The following CNIH3 variants were observed in gnomAD, a reference collection of about 807,000 sequenced individuals.
CNIH3 encodes cornichon family AMPA receptor auxiliary protein 3, also known as protein cornichon homolog 3.
In CNIH3, 14 loss-of-function variants were observed where a neutral mutation model predicts 24.1. That is an observed-to-expected ratio of 0.58 (90% CI 0.38 to 0.91). The LOEUF (loss-of-function observed/expected upper bound fraction) is 0.91, where lower values mean the gene tolerates loss of function less well. Among genes scored for constraint, CNIH3 ranks in the 40% least tolerant of loss-of-function variants. CNIH3 has a pLI of 0.00. For synonymous variants in CNIH3, 68 were observed against 73.8 expected (o/e 0.92, Z 0.40); for missense variants, 178 against 196.8 (o/e 0.90, Z 0.57).
At chr1:224,597,105 C>T (rs6657458) in intron 3 of CNIH3, among the ~76,000 whole-genome samples, 4,434 of 152,014 alleles carry the variant, frequency 0.029, 194 homozygotes, top group African/African-American at 0.093. Context: ...TGAGCCGAGA[C>T]TGCACCATTG....
intron 1 of CNIH3, among the ~76,000 whole-genome samples, chr1:224,446,790 T>A (rs1231183514): frequency 6.6e-6 from 1 of 152,080 alleles, no homozygotes; most frequent in Admixed American, 6.6e-5. Flanking sequence ...AAGAGGGGGA[T>A]TCAAAGAAGT....
intron 1 of CNIH3, among the ~76,000 whole-genome samples, chr1:224,457,957 G>A (rs913194304): frequency 2.0e-5 from 3 of 152,158 alleles, no homozygotes; most frequent in Admixed American, 2.0e-4. Context: ...AGCTAGGTGT[G>A]GGGAGGAAGC....
intron 4 of CNIH3, among the ~76,000 whole-genome samples, chr1:224,570,249 G>A (rs941305704): frequency 6.6e-6 from 1 of 152,170 alleles, no homozygotes; most frequent in Non-Finnish European, 1.5e-5. Flanking sequence ...CTGCAGTTTG[G>A]AGTACAATCG....
chr1:224,655,105 T>TTCACACC (rs1444263941), intron 1 of CNIH3, among the ~76,000 whole-genome samples: 1 of 152,118 alleles, frequency 6.6e-6, no homozygotes, highest in Non-Finnish European at 1.5e-5. Context: ...CCCATGAAGC[T>TTCACACC]GTTACCACCC....
chr1:224,556,016 C>T (rs1680123429), intron 3 of CNIH3, among the ~76,000 whole-genome samples: 1 of 152,200 alleles, frequency 6.6e-6, no homozygotes, highest in South Asian at 2.1e-4. Flanking sequence ...TGAGTGAAGA[C>T]TGCTGAGGAA....
At position 224,629,325 on chromosome 1, in the gene CNIH3, G is replaced by A. The variant is rs957712270; in HGVS notation, c.81+12070G>A. On this transcript the variant is annotated intron_variant, in intron 1 of 5. Transcript: ENST00000272133. ...CCCGGCTGCAATGTATATCTTAAAT[G>A]TATTTGATTGATAACCTCATGTCTC... 3.2e-4 allele frequency among the ~76,000 whole-genome samples: 48 copies of A among 151,976 alleles called. 1 individual carries two copies. Among genetic ancestry groups the A allele is most frequent in the Non-Finnish European group, 1.2e-4 (8 of 68,008 alleles).
intron 1 of CNIH3, among the ~76,000 whole-genome samples, chr1:224,452,800 A>G (rs1197456856): frequency 6.8e-6 from 1 of 146,432 alleles, no homozygotes; most frequent in South Asian, 2.2e-4. Flanking sequence ...AAAAAAAAAA[A>G]AAGGGTTTCA....
At chr1:224,638,871 A>G (rs1185186307) in intron 1 of CNIH3, among the ~76,000 whole-genome samples, 1 of 152,054 alleles carries the variant, frequency 6.6e-6, no homozygotes, top group Non-Finnish European at 1.5e-5. Flanking sequence ...GCCATTATTT[A>G]TTTTATTTGC....
chr1:224,530,449 T>A (rs1263297077), intron 2 of CNIH3, among the ~76,000 whole-genome samples: 1 of 152,174 alleles, frequency 6.6e-6, no homozygotes, highest in East Asian at 1.9e-4. Context: ...ACCACTTTCA[T>A]GCACAGCATT....
At chr1:224,656,249 C>T (rs1333639574) in intron 1 of CNIH3, among the ~76,000 whole-genome samples, 5 of 152,170 alleles carry the variant, frequency 3.3e-5, no homozygotes, top group South Asian at 4.1e-4. Context: ...TTGCATCTGG[C>T]GCACTGGAAG....
At chr1:224,737,322 G>A (rs1163602379) in intron 5 of CNIH3, among the ~76,000 whole-genome samples, 1 of 152,128 alleles carries the variant, frequency 6.6e-6, no homozygotes, top group Non-Finnish European at 1.5e-5. Context: ...TTGACTGTTT[G>A]TCCTCTAATT....
intron 4 of CNIH3, among the ~76,000 whole-genome samples, chr1:224,576,928 C>G (rs978339118): frequency 3.3e-5 from 5 of 152,146 alleles, no homozygotes; most frequent in Non-Finnish European, 7.4e-5. Flanking sequence ...ATACAGCCAA[C>G]TGATCTTCAG....
intron 2 of CNIH3, among the ~76,000 whole-genome samples, chr1:224,682,549 A>G (rs755380494): frequency 2.6e-5 from 4 of 152,202 alleles, no homozygotes; most frequent in Non-Finnish European, 4.4e-5. Context: ...AACTTGCTGT[A>G]TTTCATGAAC....
chr1:224,553,806 GCCTCCCTCCCTC>G (rs777086100), intron 3 of CNIH3, among the ~76,000 whole-genome samples: 1 of 146,396 alleles, frequency 6.8e-6, no homozygotes, highest in Non-Finnish European at 1.5e-5. Flanking sequence ...ATGTCTCCCT[GCCTCCCTCCCTC>G]CCTCCCTCTT....
chr1:224,681,597 C>CGTG (rs780428340), intron 2 of CNIH3, among the ~76,000 whole-genome samples: 5 of 152,170 alleles, frequency 3.3e-5, no homozygotes, highest in Non-Finnish European at 7.3e-5. Context: ...CCCCAGCATG[C>CGTG]GTGGTGCCTG....
intron 3 of CNIH3, among the ~76,000 whole-genome samples, chr1:224,699,436 A>G (rs1056020699): frequency 2.0e-5 from 3 of 152,212 alleles, no homozygotes; most frequent in Non-Finnish European, 4.4e-5. Flanking sequence ...GGCTTTAGCC[A>G]CAGGCATTCT....
At chr1:224,682,230 A>G (rs1686436830) in intron 2 of CNIH3, among the ~76,000 whole-genome samples, 1 of 152,222 alleles carries the variant, frequency 6.6e-6, no homozygotes, top group Non-Finnish European at 1.5e-5. Flanking sequence ...CTTTATATAC[A>G]TAATCTGTAA....
At chr1:224,554,091 C>T (rs1189966936) in intron 3 of CNIH3, among the ~76,000 whole-genome samples, 1 of 152,132 alleles carries the variant, frequency 6.6e-6, no homozygotes, top group South Asian at 2.1e-4. Flanking sequence ...GTAAGGGGCA[C>T]CATTCTGAAC....
rs372248929 is a variant in CNIH3, at chr1:224,731,335, A to G, written c.311+761A>G. Among the ~76,000 whole-genome samples the G allele has an allele frequency of 1.4e-4, 22 of 152,286 alleles. 1 individual carries two copies. The East Asian group carries it at 3.5e-3, about 24-fold the overall frequency. ...GATTTTCTGGGACAGTTATAATTTC[A>G]TAGATTCTATTCCCTGCTAAGACCA... On this transcript the variant is annotated intron_variant, in intron 4 of 5. Coordinates refer to ENST00000272133, the MANE Select transcript of CNIH3 (RefSeq NM_152495.2).
Sources: allele counts gnomAD v4.1 joint callset (sites outside exome capture counted in the v4.1 genomes callset), GRCh38; gene constraint gnomAD v4.1.1; transcripts MANE v1.5; gene names NCBI Gene and HGNC (gene_info 2026-07-23, HGNC 2026-07-21).